The following OVCH1 variants were observed in gnomAD, a reference collection of about 807,000 sequenced individuals.
OVCH1 encodes the protein ovochymase-1.
OVCH1 carries 139 observed loss-of-function variants against 138.4 expected under a neutral mutation model. That is an observed-to-expected ratio of 1.00 (90% CI 0.87 to 1.16). OVCH1 has a LOEUF of 1.16. Ranked by LOEUF, OVCH1 falls within the 50% of genes most tolerant of loss-of-function variation. The pLI is 0.00. For synonymous variants in OVCH1, 453 were observed against 467.8 expected, an observed-to-expected ratio of 0.97 and a Z score of 0.41; for missense variants, 1,367 against 1,357.9, an observed-to-expected ratio of 1.01 and a Z score of -0.11.
At chr12:29,409,864 G>T (rs1592017677), downstream of OVCH1, among the ~76,000 whole-genome samples, 1 of 152,224 alleles carries the variant, frequency 6.6e-6, no homozygotes, top group South Asian at 2.1e-4. Flanking sequence ...GGGTATCCTT[G>T]TCAACTTTCT....
At chr12:29,411,965 C>A (rs1233144338), downstream of OVCH1, among the ~76,000 whole-genome samples, 1 of 117,310 alleles carries the variant, frequency 8.5e-6, no homozygotes, top group Non-Finnish European at 2.0e-5. Flanking sequence ...CCACCCAGTT[C>A]AAGCTTCCCC....
At chr12:29,431,070 C>CTT in intron 27 of OVCH1, among the ~76,000 whole-genome samples, 2 of 152,252 alleles carry the variant, frequency 1.3e-5, no homozygotes, top group Non-Finnish European at 2.9e-5. Context: ...TAACATATTT[C>CTT]TTTATTCTGA....
intron 10 of OVCH1, 48 bp from the exon 11 acceptor site, chr12:29,477,526 G>C (rs764368656): frequency 6.2e-7 from 1 of 1,613,888 alleles, no homozygotes; most frequent in Admixed American, 1.7e-5. Context: ...AAAAGTGGTG[G>C]AAACTTACAC....
chr12:29,454,867 G>A, exon 21 of OVCH1: 1 of 1,611,876 alleles, frequency 6.2e-7, no homozygotes, highest in Non-Finnish European at 8.5e-7. Context: ...GTCTGGTGAA[G>A]GTGTGGGTGG....
At position 29,486,049 on chromosome 12, in the gene OVCH1, C is replaced by T. The variant is rs541858185; in HGVS notation, c.995+197G>A. On this transcript the variant is annotated intron_variant, in intron 8 of 27. Coordinates refer to ENST00000318184, the Ensembl canonical transcript of OVCH1. ...TTTAGCAATGGCATGGAAAGTCTCC[C>T]TCATTCACTCAAAAGTTTTAGATGC... Among the ~76,000 whole-genome samples the T allele has an allele frequency of 5.9e-5, 9 of 151,940 alleles. No individual in the cohort carries two copies. The South Asian group carries it at 1.9e-3, about 32-fold the overall frequency.
At chr12:29,480,495 TTTA>T (rs1174382232) in intron 8 of OVCH1, among the ~76,000 whole-genome samples, 7 of 152,220 alleles carry the variant, frequency 4.6e-5, no homozygotes, top group African/African-American at 1.7e-4. Flanking sequence ...CCAACTTTGA[TTTA>T]TTATTAGTGA....
At chr12:29,477,611 A>G (rs994438993) in intron 9 of OVCH1, 133 bp from the exon 11 acceptor site, 4 of 1,607,062 alleles carry the variant, frequency 2.5e-6, no homozygotes, top group African/African-American at 2.7e-5. Flanking sequence ...TGGTCCTTTG[A>G]TCATTCAACA....
intron 26 of OVCH1, chr12:29,433,847 C>A (rs751148847): frequency 1.5e-6 from 2 of 1,354,014 alleles, no homozygotes; most frequent in Non-Finnish European, 2.0e-6. Flanking sequence ...AATGGAAATG[C>A]CTCCCAAACT....
Position 29,495,147 on chromosome 12 carries a change from C to T in OVCH1, c.454+138G>A, listed in dbSNP as rs1592124286. On this transcript the variant is annotated intron_variant, in intron 4 of 27. Coordinates refer to ENST00000318184, the Ensembl canonical transcript of OVCH1. ...CAGTATTTTCTCAATAGGTTATAGA[C>T]CGAACAAAATTATTTTAAAAAGAAA... 1.1e-5 allele frequency: 10 copies of T among 876,094 alleles called. No individual in the cohort carries two copies. The East Asian group carries it at 2.0e-4, about 18-fold the overall frequency. 54.3% of individuals were successfully genotyped at this position (876,094 alleles called of 1,614,324 possible). A position where few individuals can be genotyped will look rare whatever the true frequency, so the allele number is the denominator to read the frequency against.
At chr12:29,440,365 T>A (rs969422668) in intron 25 of OVCH1, among the ~76,000 whole-genome samples, 5 of 151,794 alleles carry the variant, frequency 3.3e-5, no homozygotes, top group Admixed American at 3.3e-4. Context: ...ATTGCTAATG[T>A]ACTCTTCCTT....
intron 18 of OVCH1, 22 bp downstream of exon 18, chr12:29,464,485 T>C: frequency 6.2e-7 from 1 of 1,610,178 alleles, no homozygotes; most frequent in African/African-American, 1.3e-5. Flanking sequence ...CATTAATGTT[T>C]ATGCAACAAA....
At chr12:29,411,268 G>A (rs574865101), downstream of OVCH1, among the ~76,000 whole-genome samples, 25 of 140,908 alleles carry the variant, frequency 1.8e-4, 1 homozygote, top group African/African-American at 6.0e-4. Flanking sequence ...CCTGTAGCTC[G>A]TAGTTTGAGC....
chr12:29,490,705 C>T (rs1178675174), intron 5 of OVCH1, among the ~76,000 whole-genome samples: 4 of 152,120 alleles, frequency 2.6e-5, no homozygotes, highest in African/African-American at 4.8e-5. Context: ...CACATCTTCC[C>T]GTTTCTCTCA....
rs71045809 is a variant in OVCH1, at chr12:29,488,643, A to AAAAT, written c.703-762_703-761insATTT. Reference sequence around the variant, plus strand: ...CTCAAAAAAAAAAAAAAAAAAAAAAAGAAAGGAAAGGACCACATTGGCTCT... The same window carrying AAAAT: ...CTCAAAAAAAAAAAAAAAAAAAAAAAAAATGAAAGGAAAGGACCACATTGGCTCT... On this transcript the variant is annotated intron_variant, in intron 6 of 27. Transcript: ENST00000318184. Among the ~76,000 whole-genome samples the AAAAT allele has an allele frequency of 1.1e-4, 16 of 142,404 alleles. 1 individual carries two copies. The highest frequency in any genetic ancestry group is 4.1e-4 in the African/African-American group (16 of 39,350). The allele number at this position is 142,404 out of a possible 152,430, so 93.4% of individuals were successfully genotyped here.
intron 3 of OVCH1, among the ~76,000 whole-genome samples, chr12:29,412,882 C>T (rs1247609711): frequency 6.6e-6 from 1 of 152,210 alleles, no homozygotes; most frequent in Non-Finnish European, 1.5e-5. Context: ...AAGTCTCACG[C>T]TGTCATCCAG....
At chr12:29,436,259 T>TAATA (rs1941357253) in intron 26 of OVCH1, among the ~76,000 whole-genome samples, 1 of 147,756 alleles carries the variant, frequency 6.8e-6, no homozygotes, top group African/African-American at 2.5e-5. Flanking sequence ...CTTATTTTAA[T>TAATA]AATATAAGTA....
intron 3 of OVCH1, among the ~76,000 whole-genome samples, chr12:29,415,728 C>T (rs1256595884): frequency 6.6e-6 from 1 of 151,918 alleles, no homozygotes; most frequent in East Asian, 1.9e-4. Flanking sequence ...GTGAATTCTC[C>T]CCAAACTGAG....
At chr12:29,411,660 G>C (rs1592018827), downstream of OVCH1, among the ~76,000 whole-genome samples, 2 of 152,106 alleles carry the variant, frequency 1.3e-5, no homozygotes, top group Admixed American at 6.5e-5. Context: ...TCGTTCCTCT[G>C]GAAGTTTTGT....
At chr12:29,423,917 G>A (rs995550286), downstream of OVCH1, among the ~76,000 whole-genome samples, 1 of 152,124 alleles carries the variant, frequency 6.6e-6, no homozygotes, top group Non-Finnish European at 1.5e-5. Context: ...GTTCTGGGTA[G>A]AACCAACAAA....
Sources: allele counts gnomAD v4.1 joint callset (sites outside exome capture counted in the v4.1 genomes callset), GRCh38; gene constraint gnomAD v4.1.1; transcripts MANE v1.5; gene names NCBI Gene and HGNC (gene_info 2026-07-23, HGNC 2026-07-21).